The following FAM180A variants were observed in gnomAD, a reference collection of about 807,000 sequenced individuals.
The protein encoded by FAM180A is family with sequence similarity 180 member A, also known as protein FAM180A.
FAM180A carries 14 observed loss-of-function variants against 15.3 expected under a neutral mutation model. That is an observed-to-expected ratio of 0.92 (90% CI 0.61 to 1.43). FAM180A has a LOEUF of 1.43. Among genes scored for constraint, FAM180A ranks in the 40% most tolerant of loss-of-function variants. FAM180A has a pLI of 0.00. For synonymous variants in FAM180A, 90 were observed against 96.8 expected (o/e 0.93, Z 0.41); for missense variants, 200 against 220.8 (o/e 0.91, Z 0.60).
At chr7:135,745,195 C>T (rs939223866) in intron 1 of FAM180A, among the ~76,000 whole-genome samples, 1 of 152,150 alleles carries the variant, frequency 6.6e-6, no homozygotes, top group Non-Finnish European at 1.5e-5. Flanking sequence ...AGGCCTTTCC[C>T]TCATGGAACA....
chr7:135,740,857 C>T (rs1327649105), intron 1 of FAM180A, among the ~76,000 whole-genome samples: 1 of 152,030 alleles, frequency 6.6e-6, no homozygotes, highest in Non-Finnish European at 1.5e-5. Context: ...GTGGATGAAA[C>T]CCCCTTCTTA....
chr7:135,747,284 A>C (rs938667253), intron 1 of FAM180A, among the ~76,000 whole-genome samples: 1 of 151,966 alleles, frequency 6.6e-6, no homozygotes, highest in Admixed American at 6.6e-5. Context: ...TGCCCACAGA[A>C]ATTAAAAATT....
intron 1 of FAM180A, among the ~76,000 whole-genome samples, chr7:135,738,234 C>G (rs56401922): frequency 0.15 from 23,022 of 152,052 alleles, 3,234 homozygotes; most frequent in African/African-American, 0.38. Context: ...CTCTGTTGCC[C>G]AGGCTGGAGT....
intron 3 of FAM180A, among the ~76,000 whole-genome samples, chr7:135,732,509 A>G (rs1796796905): frequency 6.6e-6 from 1 of 152,238 alleles, no homozygotes; most frequent in Non-Finnish European, 1.5e-5. Flanking sequence ...CCTGGCCAAC[A>G]TGGCGAAAAA....
rs536763790 is a variant in FAM180A, at chr7:135,729,858, G to A, written c.*753C>T. 3.9e-6 allele frequency: 3 copies of A among 760,090 alleles called. No homozygotes were observed. The highest frequency in any genetic ancestry group is 4.8e-6 in the Non-Finnish European group (3 of 624,666). The allele number at this position is 760,090 out of a possible 1,614,324, so 47.1% of individuals were successfully genotyped here. Reference sequence around the variant, plus strand: ...CAAGAGCTGGGGCAGGCAGGGGGAAGGGGAAAAGAGGAGTTGTTCGGTGGG... The same window carrying A: ...CAAGAGCTGGGGCAGGCAGGGGGAAAGGGAAAAGAGGAGTTGTTCGGTGGG... On this transcript the variant is annotated 3_prime_UTR_variant, in exon 4 of 4. Transcript: ENST00000338588.
At chr7:135,742,132 A>C (rs1584753311) in intron 1 of FAM180A, among the ~76,000 whole-genome samples, 2 of 152,284 alleles carry the variant, frequency 1.3e-5, no homozygotes, top group East Asian at 3.9e-4. Flanking sequence ...TCTAGGGCAG[A>C]CATCTCAGTG....
At chr7:135,743,831 A>C (rs1243615204) in intron 1 of FAM180A, among the ~76,000 whole-genome samples, 1 of 152,140 alleles carries the variant, frequency 6.6e-6, no homozygotes, top group African/African-American at 2.4e-5. Context: ...TGAATAAATA[A>C]TCCCACAGGA....
At chr7:135,737,384 C>T (rs1286911279) in intron 1 of FAM180A, among the ~76,000 whole-genome samples, 185 bp from the exon 2 acceptor site, 3 of 151,570 alleles carry the variant, frequency 2.0e-5, no homozygotes, top group East Asian at 3.9e-4. Context: ...GTCAGGAGTT[C>T]GAAACCAGCC....
rs369565015 is a variant in FAM180A at position 135,734,183 on chromosome 7, C to A, written c.314G>T (p.Arg105Leu). 2 of 1,614,034 alleles carry A rather than the reference C, an allele frequency of 1.2e-6. No homozygotes were observed. Among genetic ancestry groups the A allele is most frequent in the Non-Finnish European group, 1.7e-6 (2 of 1,180,042 alleles). The part of the protein sequence containing the change: ...NVIPKSIPDI[R>L]RLSASLSSHP... Reference sequence around the variant, plus strand: ...GCTGGAGAGGCTGGCGCTGAGCCGGCGGATGTCTGGGATGCTCTTGGGGAT... The same window carrying A: ...GCTGGAGAGGCTGGCGCTGAGCCGGAGGATGTCTGGGATGCTCTTGGGGAT... Residue 105 changes from arginine (R) to leucine (L), a missense_variant, in exon 3 of 4, where the codon CGC becomes CTC. Physicochemically the swap from Arg to Leu is moderately radical, Grantham distance 102 (BLOSUM62 -2). Transcript: ENST00000338588.
chr7:135,730,684 T>C (rs1173409535), intron 3 of FAM180A, among the ~76,000 whole-genome samples: 1 of 152,216 alleles, frequency 6.6e-6, no homozygotes, highest in Non-Finnish European at 1.5e-5. Flanking sequence ...GACCCCTTCG[T>C]GACTGTAGTT....
rs111244087 is a variant in FAM180A at position 135,735,955 on chromosome 7, G to A, written c.177+1144C>T. Among the ~76,000 whole-genome samples, 1,418 of 150,912 alleles carry A rather than the reference G, an allele frequency of 9.4e-3. 29 individuals are homozygous for A. Among genetic ancestry groups the A allele is most frequent in the South Asian group, 0.069 (330 of 4,756 alleles). ...TGACCTCAGGTGATCCACCTGCCTCGGCCTCCCAAAGTGCTGGGATTACAA... is the reference window on the plus strand; with the variant it reads ...TGACCTCAGGTGATCCACCTGCCTCAGCCTCCCAAAGTGCTGGGATTACAA... On this transcript the variant is annotated intron_variant, in intron 2 of 3. Transcript: ENST00000338588.
chr7:135,733,378 G>T (rs1013067139), intron 3 of FAM180A, among the ~76,000 whole-genome samples: 4 of 151,780 alleles, frequency 2.6e-5, no homozygotes, highest in Non-Finnish European at 2.9e-5. Flanking sequence ...ACAGAATCTC[G>T]CTCTGTTCCC....
intron 1 of FAM180A, among the ~76,000 whole-genome samples, chr7:135,739,499 C>T (rs556768911): frequency 2.0e-5 from 3 of 151,446 alleles, no homozygotes; most frequent in Non-Finnish European, 2.9e-5. Flanking sequence ...GTAGTCCCAG[C>T]TACTTGGGAG....
intron 3 of FAM180A, among the ~76,000 whole-genome samples, chr7:135,733,152 A>G (rs1584749600): frequency 1.3e-5 from 2 of 152,190 alleles, no homozygotes; most frequent in African/African-American, 4.8e-5. Flanking sequence ...AACTTTTGGA[A>G]AAGTCAAGAA....
chr7:135,730,560 A>G (rs922930915), intron 3 of FAM180A, among the ~76,000 whole-genome samples: 9 of 152,174 alleles, frequency 5.9e-5, no homozygotes, highest in Non-Finnish European at 1.3e-4. Context: ...AAAAACCCAC[A>G]AAGTTTTTAG....
At chr7:135,731,879 T>C (rs760701470) in intron 3 of FAM180A, among the ~76,000 whole-genome samples, 4 of 152,220 alleles carry the variant, frequency 2.6e-5, no homozygotes, top group Admixed American at 2.0e-4. Flanking sequence ...AAATGACAAC[T>C]GTTAAATACC....
intron 1 of FAM180A, among the ~76,000 whole-genome samples, chr7:135,743,668 T>C (rs1796988742): frequency 2.6e-5 from 4 of 152,214 alleles, no homozygotes; most frequent in Admixed American, 2.6e-4. Context: ...GTAGCCTCTG[T>C]CCTTACTTTA....
chr7:135,734,597 T>C (rs914673918), intron 2 of FAM180A, among the ~76,000 whole-genome samples: 7 of 152,328 alleles, frequency 4.6e-5, no homozygotes, highest in Admixed American at 3.9e-4. Flanking sequence ...ACAAAACTAA[T>C]ACAGTGTCTG....
At chr7:135,732,689 T>TCTCACA (rs1162974673) in intron 3 of FAM180A, among the ~76,000 whole-genome samples, 3 of 141,858 alleles carry the variant, frequency 2.1e-5, no homozygotes, top group Non-Finnish European at 4.6e-5. Context: ...CGAGACTCCA[T>TCTCACA]CACACACACA....
Sources: allele counts gnomAD v4.1 joint callset (sites outside exome capture counted in the v4.1 genomes callset), GRCh38; gene constraint gnomAD v4.1.1; transcripts MANE v1.5; gene names NCBI Gene and HGNC (gene_info 2026-07-23, HGNC 2026-07-21).